The following HTR1F variants were observed in gnomAD, a reference collection of about 807,000 sequenced individuals.
HTR1F encodes the protein 5-hydroxytryptamine (serotonin) receptor 1F, G protein-coupled.
Under a neutral mutation model 24.0 loss-of-function variants are expected in HTR1F, and 17 were observed. That is an observed-to-expected ratio of 0.71 (90% confidence interval 0.48 to 1.06). The LOEUF is 1.06. HTR1F is among the 50% of genes least tolerant of loss of function. HTR1F has a pLI of 0.00. For synonymous variants in HTR1F, 186 were observed against 156.8 expected (o/e 1.19, Z -1.39); for missense variants, 391 against 427.8 (o/e 0.91, Z 0.76).
intron 2 of HTR1F, among the ~76,000 whole-genome samples, chr3:87,943,626 T>G (rs1446016364): frequency 1.3e-5 from 2 of 152,186 alleles, no homozygotes; most frequent in Non-Finnish European, 2.9e-5. Context: ...GAGGGCTTCC[T>G]ATAGGGCATA....
intron 2 of HTR1F, among the ~76,000 whole-genome samples, chr3:87,903,614 G>A (rs1456678542): frequency 2.0e-5 from 3 of 151,268 alleles, no homozygotes; most frequent in Non-Finnish European, 4.4e-5. Context: ...TCATTAAAAA[G>A]TCAGGAAACA....
chr3:87,950,420 C>T (rs1171104943), intron 2 of HTR1F, among the ~76,000 whole-genome samples: 2 of 152,142 alleles, frequency 1.3e-5, no homozygotes, highest in African/African-American at 4.8e-5. Context: ...TACTCTAAAA[C>T]CATCTTTTCT....
intron 1 of HTR1F, among the ~76,000 whole-genome samples, chr3:87,798,605 C>A (rs1000622753): frequency 6.0e-5 from 9 of 149,854 alleles, no homozygotes; most frequent in African/African-American, 4.9e-5. Context: ...AAAAAAAAAA[C>A]CTAATTTTTA....
chr3:87,955,086 T>C (rs1054163296), intron 2 of HTR1F, among the ~76,000 whole-genome samples: 4 of 151,250 alleles, frequency 2.6e-5, no homozygotes, highest in African/African-American at 9.7e-5. Context: ...AGATAAATTA[T>C]ATCAATTTAA....
Position 87,991,325 on chromosome 3 carries a change from C to A in HTR1F, c.576C>A (p.Ile192=). The change falls in exon 3 of 3, where the codon ATC becomes ATA. Residue 192 remains isoleucine (I), a synonymous_variant. Coordinates refer to ENST00000319595, the MANE Select transcript of HTR1F (RefSeq NM_001322209.2). The stretch of plus-strand genomic sequence containing the variant: ...ACTCAACATTTGGAGCTTTCTACAT[C>A]CCACTGGCATTGATTTTGATCCTTT... ...TIYSTFGAFY[I]PLALILILYY... is the part of the protein sequence containing the mutation. The A allele has an allele frequency of 6.2e-7, 1 of 1,613,868 alleles. No homozygotes were observed. The highest frequency in any genetic ancestry group is 8.5e-7 in the Non-Finnish European group (1 of 1,179,916).
chr3:87,842,752 G>A (rs1234805969), intron 2 of HTR1F, among the ~76,000 whole-genome samples: 5 of 151,890 alleles, frequency 3.3e-5, no homozygotes, highest in Non-Finnish European at 5.9e-5. Context: ...CCAGAAAACT[G>A]TTTAAGACTT....
At chr3:87,796,888 A>G (rs1703914920) in intron 1 of HTR1F, among the ~76,000 whole-genome samples, 1 of 152,210 alleles carries the variant, frequency 6.6e-6, no homozygotes, top group African/African-American at 2.4e-5. Context: ...ATAATAATAG[A>G]TGTTCACAGT....
At chr3:87,875,125 T>C (rs1431475305) in intron 2 of HTR1F, among the ~76,000 whole-genome samples, 1 of 151,936 alleles carries the variant, frequency 6.6e-6, no homozygotes, top group Admixed American at 6.6e-5. Flanking sequence ...AAAGCAAAAA[T>C]AGAACAATGG....
At chr3:87,978,668 G>A (rs1705452818) in intron 2 of HTR1F, among the ~76,000 whole-genome samples, 1 of 151,968 alleles carries the variant, frequency 6.6e-6, no homozygotes, top group South Asian at 2.1e-4. Flanking sequence ...CCCCAGGCAG[G>A]TCATCCCAAT....
chr3:87,932,659 G>T (rs1184627780), intron 2 of HTR1F, among the ~76,000 whole-genome samples: 1 of 152,066 alleles, frequency 6.6e-6, no homozygotes, highest in African/African-American at 2.4e-5. Flanking sequence ...CCAGGAAGAA[G>T]TTGAATCTCT....
chr3:87,984,470 T>C, intron 2 of HTR1F, among the ~76,000 whole-genome samples: 1 of 152,160 alleles, frequency 6.6e-6, no homozygotes, highest in South Asian at 2.1e-4. Context: ...TTGTTTTTGT[T>C]TTGAGACAGA....
At chr3:87,919,395 C>T (rs1474413080) in intron 2 of HTR1F, among the ~76,000 whole-genome samples, 2 of 151,946 alleles carry the variant, frequency 1.3e-5, no homozygotes, top group African/African-American at 4.8e-5. Context: ...AACTAAAGAG[C>T]TTTTGCACGG....
At chr3:87,945,182 T>C (rs1033477272) in intron 2 of HTR1F, among the ~76,000 whole-genome samples, 4 of 151,772 alleles carry the variant, frequency 2.6e-5, no homozygotes, top group Admixed American at 2.6e-4. Context: ...CTTGGGGCCC[T>C]GGCAAGGATG....
chr3:87,888,373 C>G (rs1233728405), intron 2 of HTR1F, among the ~76,000 whole-genome samples: 2 of 151,988 alleles, frequency 1.3e-5, no homozygotes, highest in Non-Finnish European at 2.9e-5. Flanking sequence ...ATGTAAATGA[C>G]TAGTTAATGG....
At chr3:87,949,376 A>T (rs761702638) in intron 2 of HTR1F, among the ~76,000 whole-genome samples, 1 of 152,210 alleles carries the variant, frequency 6.6e-6, no homozygotes, top group Admixed American at 6.5e-5. Flanking sequence ...AGGTCTTTGT[A>T]AGGTATAAAT....
At chr3:87,973,061 C>T (rs188580542) in intron 2 of HTR1F, among the ~76,000 whole-genome samples, 344 of 151,836 alleles carry the variant, frequency 2.3e-3, no homozygotes, top group African/African-American at 7.9e-3. Context: ...ATCCCAGCTA[C>T]TCGGGAAACT....
intron 2 of HTR1F, among the ~76,000 whole-genome samples, chr3:87,988,411 C>T (rs1705725923): frequency 6.6e-6 from 1 of 152,016 alleles, no homozygotes; most frequent in African/African-American, 2.4e-5. Flanking sequence ...ATTTCTTCTG[C>T]CACTCAATTT....
chr3:87,909,942 A>G (rs1703742040), intron 2 of HTR1F, among the ~76,000 whole-genome samples: 1 of 152,040 alleles, frequency 6.6e-6, no homozygotes. Context: ...TATTTGATTA[A>G]TACATATTAA....
chr3:87,991,671 C>G lies in HTR1F; in HGVS notation c.922C>G (p.Pro308Ala). The change falls in exon 3 of 3, where the codon CCT becomes GCT. Residue 308 changes from proline (P) to alanine (A), a missense_variant. Physicochemically the swap from Pro to Ala is conservative, Grantham distance 27. Transcript: ENST00000319595. The stretch of plus-strand genomic sequence containing the variant: ...GGGTGCATTTGTAATATGTTGGCTT[C>G]CTTTTTTTGTAAAAGAATTAGTTGT... ...ILGAFVICWL[P>A]FFVKELVVNV... is the part of the protein sequence containing the mutation. The G allele has an allele frequency of 2.5e-6, 4 of 1,613,270 alleles. No homozygotes were observed. In the South Asian group the frequency reaches 4.4e-5, roughly 18 times the overall value.
Sources: allele counts gnomAD v4.1 joint callset (sites outside exome capture counted in the v4.1 genomes callset), GRCh38; gene constraint gnomAD v4.1.1; transcripts MANE v1.5; gene names NCBI Gene and HGNC (gene_info 2026-07-23, HGNC 2026-07-21).